Variants in ZBTB44 observed in about 807,000 individuals in gnomAD.
The protein encoded by ZBTB44 is zinc finger and BTB domain containing 44, also known as zinc finger and BTB domain-containing protein 44.
ZBTB44 carries 15 observed loss-of-function variants against 54.0 expected under a neutral mutation model. That is an observed-to-expected ratio of 0.28 (90% CI 0.19 to 0.43). ZBTB44 has a LOEUF of 0.43. Among genes scored for constraint, ZBTB44 ranks in the 20% least tolerant of loss-of-function variants. ZBTB44 has a pLI of 1.00. For missense variants in ZBTB44, 487 were observed against 707.1 expected (o/e 0.69, Z 3.53); for synonymous variants, 230 against 250.1 (o/e 0.92, Z 0.76).
Position 130,240,703 on chromosome 11 carries a change from A to G in ZBTB44, c.1019-807T>C, listed in dbSNP as rs190660791. Among the ~76,000 whole-genome samples the G allele has an allele frequency of 7.4e-3, 1,124 of 152,268 alleles. 5 individuals are homozygous for G. Among genetic ancestry groups the G allele is most frequent in the Non-Finnish European group, 0.011 (758 of 68,008 alleles). ...CTGATCATAAACCCCTCCCTTCTCC[A>G]AAAGCTTCTTATGGTTATCATTTTC... On this transcript the variant is annotated intron_variant, in intron 2 of 7. Coordinates refer to ENST00000357899, the MANE Select transcript of ZBTB44 (RefSeq NM_001301098.2).
At chr11:130,274,612 T>G (rs1296745332) in intron 1 of ZBTB44, among the ~76,000 whole-genome samples, 6 of 152,246 alleles carry the variant, frequency 3.9e-5, no homozygotes, top group Admixed American at 3.9e-4. Flanking sequence ...TCTATTGATA[T>G]AATCATGTAA....
chr11:130,258,786 C>T (rs1267629679), intron 2 of ZBTB44, among the ~76,000 whole-genome samples: 2 of 152,156 alleles, frequency 1.3e-5, no homozygotes, highest in African/African-American at 4.8e-5. Context: ...AAATGAGCAT[C>T]TTATGGATGA....
chr11:130,298,315 G>A (rs1026624801), intron 1 of ZBTB44, among the ~76,000 whole-genome samples: 3 of 151,848 alleles, frequency 2.0e-5, no homozygotes, highest in Non-Finnish European at 4.4e-5. Flanking sequence ...GATGATTTTT[G>A]TATTTTCTTG....
chr11:130,248,332 T>C (rs780984424), intron 2 of ZBTB44, among the ~76,000 whole-genome samples: 1 of 152,184 alleles, frequency 6.6e-6, no homozygotes, highest in Non-Finnish European at 1.5e-5. Context: ...ACATTTGCCA[T>C]GAAGGCAAGG....
chr11:130,278,383 C>G (rs1465473625), intron 1 of ZBTB44, among the ~76,000 whole-genome samples: 2 of 152,318 alleles, frequency 1.3e-5, no homozygotes, highest in Middle Eastern at 3.4e-3. Flanking sequence ...AGCACGGTTT[C>G]TACTGAATGC....
chr11:130,247,372 G>A (rs1235738376), intron 2 of ZBTB44, among the ~76,000 whole-genome samples: 2 of 152,184 alleles, frequency 1.3e-5, no homozygotes, highest in African/African-American at 4.8e-5. Context: ...ACCTGCCCTT[G>A]GCTGGGATGT....
At position 130,247,504 on chromosome 11, in the gene ZBTB44, T is replaced by C. The variant is rs901156992; in HGVS notation, c.1019-7608A>G. 5.3e-5 allele frequency among the ~76,000 whole-genome samples: 8 copies of C among 152,316 alleles called. No individual in the cohort carries two copies. The East Asian group carries it at 1.3e-3, about 26-fold the overall frequency. On this transcript the variant is annotated intron_variant, in intron 2 of 7. Transcript: ENST00000357899. ...TTATTCAGATTGTGTTGCTCCTTGGTGAAACTGTTTTCTAGGCTAACACCT... is the reference window on the plus strand; with the variant it reads ...TTATTCAGATTGTGTTGCTCCTTGGCGAAACTGTTTTCTAGGCTAACACCT...
At chr11:130,238,375 T>G in intron 4 of ZBTB44, 69 bp downstream of exon 4, 1 of 1,419,732 alleles carries the variant, frequency 7.0e-7, no homozygotes. Flanking sequence ...GTTTTCTATT[T>G]TAACTGGGAC....
At chr11:130,254,533 T>C (rs1338082595) in intron 2 of ZBTB44, among the ~76,000 whole-genome samples, 2 of 152,172 alleles carry the variant, frequency 1.3e-5, no homozygotes, top group Non-Finnish European at 2.9e-5. Flanking sequence ...AGATACCATC[T>C]CACACCAGTT....
intron 1 of ZBTB44, among the ~76,000 whole-genome samples, chr11:130,311,616 T>G (rs1330538045): frequency 6.6e-6 from 1 of 152,200 alleles, no homozygotes; most frequent in Non-Finnish European, 1.5e-5. Flanking sequence ...AATATCACTC[T>G]GAACTCATGA....
chr11:130,269,754 G>C (rs17139190), intron 1 of ZBTB44, among the ~76,000 whole-genome samples: 6,227 of 152,186 alleles, frequency 0.041, 317 homozygotes, highest in African/African-American at 0.12. Context: ...CATTAAATCT[G>C]AGTCAAGTTG....
intron 2 of ZBTB44, among the ~76,000 whole-genome samples, chr11:130,252,425 C>A (rs1372711637): frequency 2.6e-5 from 4 of 152,252 alleles, no homozygotes; most frequent in South Asian, 2.1e-4. Context: ...ACCAAGCAGA[C>A]CTAATAGACA....
intron 1 of ZBTB44, among the ~76,000 whole-genome samples, chr11:130,282,346 TG>T (rs753641793): frequency 3.3e-5 from 5 of 152,208 alleles, no homozygotes; most frequent in African/African-American, 4.8e-5. Flanking sequence ...TTCTACTTTC[TG>T]TCTCTATGAA....
chr11:130,235,615 C>A (rs1364926419), intron 5 of ZBTB44, among the ~76,000 whole-genome samples: 12 of 151,810 alleles, frequency 7.9e-5, no homozygotes, highest in Non-Finnish European at 1.5e-4. Context: ...TGTCTATGAA[C>A]AGCCACTGCA....
intron 2 of ZBTB44, among the ~76,000 whole-genome samples, chr11:130,249,625 T>C (rs2136346437): frequency 6.6e-6 from 1 of 152,242 alleles, no homozygotes; most frequent in East Asian, 1.9e-4. Context: ...AGTTAGGCAG[T>C]GGGTACAGCC....
chr11:130,238,719 AAC>A, intron 3 of ZBTB44, 112 bp from the exon 4 acceptor site: 1 of 1,128,906 alleles, frequency 8.9e-7, no homozygotes. Context: ...GACTTTTTGA[AAC>A]AGTTTAACTG....
At chr11:130,260,793 C>T in intron 2 of ZBTB44, 63 bp downstream of exon 2, 2 of 1,504,846 alleles carry the variant, frequency 1.3e-6, no homozygotes, top group Non-Finnish European at 1.8e-6. Context: ...TTTTATCTAA[C>T]AGGAACTTAA....
intron 1 of ZBTB44, among the ~76,000 whole-genome samples, chr11:130,313,320 G>A (rs932583556): frequency 6.6e-6 from 1 of 152,104 alleles, no homozygotes; most frequent in Non-Finnish European, 1.5e-5. Flanking sequence ...AAAATGCCAA[G>A]CAGTACTGCA....
chr11:130,313,907 GGTGTGT>G (rs59629267), intron 1 of ZBTB44, among the ~76,000 whole-genome samples: 1 of 149,140 alleles, frequency 6.7e-6, no homozygotes, highest in African/African-American at 2.5e-5. Context: ...AAGGAAAAGA[GGTGTGT>G]GTGTGTGTGT....
Sources: allele counts gnomAD v4.1 joint callset (sites outside exome capture counted in the v4.1 genomes callset), GRCh38; gene constraint gnomAD v4.1.1; transcripts MANE v1.5; gene names NCBI Gene and HGNC (gene_info 2026-07-23, HGNC 2026-07-21).